Variants in NXPE2 observed in about 807,000 individuals in gnomAD.
NXPE2 encodes NXPE family member 2.
Under a neutral mutation model 34.4 loss-of-function variants are expected in NXPE2, and 34 were observed. That is an observed-to-expected ratio of 0.99 (90% confidence interval 0.75 to 1.31). NXPE2 has a LOEUF of 1.31. Ranked by LOEUF, NXPE2 falls within the 40% of genes most tolerant of loss-of-function variation. NXPE2 has a pLI of 0.00. For missense variants in NXPE2, 649 were observed against 672.5 expected (o/e 0.97, Z 0.39); for synonymous variants, 235 against 231.3 (o/e 1.02, Z -0.15).
At chr11:114,787,614 T>TGGAGAGAG in the NXPE2 span, among the ~76,000 whole-genome samples, 1 of 152,150 alleles carries the variant, frequency 6.6e-6, no homozygotes, top group African/African-American at 2.4e-5. Context: ...GCTGGGGAGT[T>TGGAGAGAG]GGAGAGAGGA....
downstream of NXPE2, among the ~76,000 whole-genome samples, chr11:114,709,273 C>T (rs536225747): frequency 3.3e-5 from 5 of 152,244 alleles, no homozygotes; most frequent in African/African-American, 1.2e-4. Context: ...AATGTTTTGT[C>T]ATTGTAATTG....
the NXPE2 span, among the ~76,000 whole-genome samples, chr11:114,623,848 T>G: frequency 6.6e-6 from 1 of 152,098 alleles, no homozygotes; most frequent in African/African-American, 2.4e-5. Flanking sequence ...GGATAATAAG[T>G]GTTGCCTCGT....
the NXPE2 span, among the ~76,000 whole-genome samples, chr11:114,568,530 T>TCTTATTTTCCCTCTCC: frequency 6.6e-6 from 1 of 150,442 alleles, no homozygotes; most frequent in African/African-American, 2.4e-5. Context: ...ATTCCCTCTT[T>TCTTATTTTCCCTCTCC]CTTATTTTCC....
the NXPE2 span, among the ~76,000 whole-genome samples, chr11:114,574,056 G>C: frequency 1.3e-5 from 2 of 151,964 alleles, no homozygotes; most frequent in East Asian, 1.9e-4. Context: ...GCTCCAAAAG[G>C]AACCCTCAAA....
chr11:114,684,549 T>A (rs908385323), intron 2 of NXPE2, among the ~76,000 whole-genome samples: 3 of 152,140 alleles, frequency 2.0e-5, no homozygotes, highest in Non-Finnish European at 4.4e-5. Context: ...AAGTTGCTAG[T>A]GATATAATCC....
chr11:114,637,607 G>T, the NXPE2 span, among the ~76,000 whole-genome samples: 4 of 150,700 alleles, frequency 2.7e-5, no homozygotes, highest in Non-Finnish European at 4.4e-5. Context: ...GGTACCGGTT[G>T]TTCCTTTCCA....
At chr11:114,702,675 A>T in intron 3 of NXPE2, among the ~76,000 whole-genome samples, 1 of 152,168 alleles carries the variant, frequency 6.6e-6, no homozygotes, top group East Asian at 1.9e-4. Flanking sequence ...GGCCAAAGTC[A>T]CATATCCAGT....
chr11:114,748,927 G>C, the NXPE2 span, among the ~76,000 whole-genome samples: 1 of 152,122 alleles, frequency 6.6e-6, no homozygotes, highest in Non-Finnish European at 1.5e-5. Context: ...TGCCATCATT[G>C]TTTATTTTGA....
the NXPE2 span, among the ~76,000 whole-genome samples, chr11:114,782,664 C>T: frequency 6.6e-6 from 1 of 152,192 alleles, no homozygotes; most frequent in Non-Finnish European, 1.5e-5. Flanking sequence ...GACTCAGTCC[C>T]TTTTCTTCTG....
the NXPE2 span, among the ~76,000 whole-genome samples, chr11:114,590,950 T>A: frequency 2.0e-5 from 3 of 152,202 alleles, no homozygotes; most frequent in South Asian, 6.2e-4. Flanking sequence ...AAAAACTTGT[T>A]CTTGCCTAAA....
chr11:114,518,896 AG>A, the NXPE2 span, among the ~76,000 whole-genome samples: 1 of 138,170 alleles, frequency 7.2e-6, no homozygotes, highest in Non-Finnish European at 1.5e-5. Context: ...CATGCTATAA[AG>A]AAGTATTCCC....
At chr11:114,740,199 A>G in the NXPE2 span, among the ~76,000 whole-genome samples, 2 of 152,178 alleles carry the variant, frequency 1.3e-5, no homozygotes, top group Non-Finnish European at 2.9e-5. Context: ...CTCTCTCTCT[A>G]TATAAATATC....
At chr11:114,731,400 T>C in the NXPE2 span, among the ~76,000 whole-genome samples, 806 of 152,324 alleles carry the variant, frequency 5.3e-3, 4 homozygotes, top group African/African-American at 0.019. Flanking sequence ...TGAAAACTTA[T>C]GTTTATACAA....
the NXPE2 span, among the ~76,000 whole-genome samples, chr11:114,512,173 T>C: frequency 6.6e-6 from 1 of 152,144 alleles, no homozygotes; most frequent in Non-Finnish European, 1.5e-5. Context: ...TTCAATAAAA[T>C]ACAAGTTAAT....
At chr11:114,764,978 C>A in the NXPE2 span, among the ~76,000 whole-genome samples, 1 of 152,128 alleles carries the variant, frequency 6.6e-6, no homozygotes, top group African/African-American at 2.4e-5. Context: ...AACTGCTTCA[C>A]GTGAACTCTG....
chr11:114,808,694 A>C, the NXPE2 span, among the ~76,000 whole-genome samples: 1 of 151,814 alleles, frequency 6.6e-6, no homozygotes, highest in African/African-American at 2.4e-5. Context: ...AAATTGAGGC[A>C]ATAATCAATA....
At chr11:114,813,701 TA>T in the NXPE2 span, among the ~76,000 whole-genome samples, 1 of 152,240 alleles carries the variant, frequency 6.6e-6, no homozygotes, top group South Asian at 2.1e-4. Context: ...CATTTTAAAG[TA>T]TGGCTTTTTG....
chr11:114,531,744 G>A, the NXPE2 span, among the ~76,000 whole-genome samples: 3 of 151,708 alleles, frequency 2.0e-5, no homozygotes, highest in Non-Finnish European at 4.4e-5. Context: ...CCTCTTCCTG[G>A]ATTGCTGAAT....
the NXPE2 span, chr11:114,552,942 G>A: frequency 4.2e-6 from 3 of 712,680 alleles, no homozygotes; most frequent in Non-Finnish European, 5.2e-6. Context: ...TTAGAATACA[G>A]TAGTAGAAAT....
Sources: gnomAD v4.1 joint callset for allele counts (sites outside exome capture counted in the v4.1 genomes callset) on GRCh38, gnomAD v4.1.1 for gene constraint, MANE v1.5 for transcripts, NCBI Gene and HGNC (gene_info 2026-07-23, HGNC 2026-07-21) for gene names.